The following ADAMTSL1 variants were observed in gnomAD, a reference collection of about 807,000 sequenced individuals.
ADAMTSL1 encodes the protein ADAMTS like 1, also known as ADAMTS-like protein 1.
ADAMTSL1 carries 126 observed loss-of-function variants against 201.8 expected under a neutral mutation model. The ratio of observed to expected loss-of-function variants is 0.62; its 90% confidence interval spans 0.54 to 0.72. ADAMTSL1 has a LOEUF of 0.72. Ranked by LOEUF, ADAMTSL1 falls within the 30% of genes least tolerant of loss-of-function variation. ADAMTSL1 has a pLI of 0.00. For missense variants in ADAMTSL1, 2,679 were observed against 2,277.8 expected (o/e 1.18, Z -3.59); for synonymous variants, 1,121 against 903.4 (o/e 1.24, Z -4.32).
intron 1 of ADAMTSL1, among the ~76,000 whole-genome samples, chr9:18,499,782 C>T (rs916570415): frequency 1.2e-4 from 19 of 152,242 alleles, no homozygotes; most frequent in African/African-American, 3.6e-4. Flanking sequence ...TTACTTCTGA[C>T]GATCTGTTGA....
chr9:18,203,535 C>T (rs1380327345), intron 2 of ADAMTSL1, among the ~76,000 whole-genome samples: 1 of 151,116 alleles, frequency 6.6e-6, no homozygotes, highest in East Asian at 1.9e-4. Flanking sequence ...GAAAGTTGAG[C>T]ACTGTGTGTC....
At chr9:18,189,769 G>A (rs918351172) in intron 2 of ADAMTSL1, among the ~76,000 whole-genome samples, 2 of 151,906 alleles carry the variant, frequency 1.3e-5, no homozygotes, top group African/African-American at 4.8e-5. Flanking sequence ...GGCAAGATAT[G>A]TTTTTTTAAA....
chr9:18,842,152 C>T (rs1017722963), intron 23 of ADAMTSL1, among the ~76,000 whole-genome samples: 7 of 151,794 alleles, frequency 4.6e-5, no homozygotes, highest in South Asian at 4.2e-4. Flanking sequence ...TTGGATCTTT[C>T]CTGCTTTCTC....
At chr9:18,351,184 G>A (rs990932710) in intron 2 of ADAMTSL1, among the ~76,000 whole-genome samples, 11 of 151,648 alleles carry the variant, frequency 7.3e-5, no homozygotes, top group African/African-American at 2.7e-4. Context: ...TACATCATCT[G>A]GCAGGGGAAG....
At chr9:18,317,995 G>A (rs1554658757) in intron 2 of ADAMTSL1, among the ~76,000 whole-genome samples, 1 of 152,192 alleles carries the variant, frequency 6.6e-6, no homozygotes, top group Non-Finnish European at 1.5e-5. Flanking sequence ...TAGCAGCCCA[G>A]AACACTGGAC....
chr9:18,698,163 G>A (rs1831676667), intron 13 of ADAMTSL1, among the ~76,000 whole-genome samples: 1 of 152,182 alleles, frequency 6.6e-6, no homozygotes, highest in South Asian at 2.1e-4. Context: ...AGAGAAGAAA[G>A]TTCTAGAATA....
chr9:18,236,444 G>A (rs185458000), intron 2 of ADAMTSL1, among the ~76,000 whole-genome samples: 42 of 152,222 alleles, frequency 2.8e-4, no homozygotes, highest in Middle Eastern at 3.4e-3. Context: ...TTCAGATTCC[G>A]GGACCCAGTT....
intron 2 of ADAMTSL1, among the ~76,000 whole-genome samples, chr9:18,391,816 T>TTTTC (rs1353184522): frequency 7.5e-6 from 1 of 134,172 alleles, no homozygotes. Context: ...TTTTTCTTTC[T>TTTTC]TTTCTTTCTT....
intron 4 of ADAMTSL1, among the ~76,000 whole-genome samples, chr9:18,594,355 A>T (rs1824119620): frequency 6.6e-6 from 1 of 151,998 alleles, no homozygotes; most frequent in Non-Finnish European, 1.5e-5. Context: ...CTGTATCTGG[A>T]TACTTATAAC....
intron 16 of ADAMTSL1, among the ~76,000 whole-genome samples, chr9:18,760,624 T>C (rs1184893295): frequency 3.9e-5 from 6 of 152,106 alleles, no homozygotes; most frequent in African/African-American, 1.4e-4. Context: ...ACCCCCTACT[T>C]TGAAACCCCT....
In ADAMTSL1 at chr9:18,417,219, A is replaced by T. The variant is rs546055263; in HGVS notation, c.208-87610A>T. ...GAAAATTATAACGTATTTTGAACTG[A>T]GATCCCACTAGAGCATTACTTGAGA... On this transcript the variant is annotated intron_variant, in intron 2 of 29. Transcript: ENST00000680146. Among the ~76,000 whole-genome samples, 82 of 152,106 alleles carry T rather than the reference A, an allele frequency of 5.4e-4. 1 individual carries two copies. In the South Asian group the frequency reaches 0.013, roughly 23 times the overall value.
intron 2 of ADAMTSL1, among the ~76,000 whole-genome samples, chr9:18,517,596 G>C (rs1307876720): frequency 8.4e-6 from 1 of 119,168 alleles, no homozygotes; most frequent in Non-Finnish European, 1.7e-5. Flanking sequence ...AGTCCCCAGC[G>C]TGTGATATTC....
At chr9:18,840,384 C>A (rs932098464) in intron 23 of ADAMTSL1, among the ~76,000 whole-genome samples, 1 of 152,090 alleles carries the variant, frequency 6.6e-6, no homozygotes, top group South Asian at 2.1e-4. Flanking sequence ...TGTTCTGTTC[C>A]ATTGATCTAT....
intron 2 of ADAMTSL1, among the ~76,000 whole-genome samples, chr9:18,319,960 T>C (rs899110417): frequency 6.6e-6 from 1 of 152,136 alleles, no homozygotes; most frequent in Non-Finnish European, 1.5e-5. Context: ...TGAAGTGTGA[T>C]AGGACTTGAA....
chr9:18,343,130 A>C (rs1336218214), intron 2 of ADAMTSL1, among the ~76,000 whole-genome samples: 1 of 151,848 alleles, frequency 6.6e-6, no homozygotes, highest in African/African-American at 2.4e-5. Flanking sequence ...GTTTTAGACC[A>C]ACCATGGCAA....
At chr9:17,982,821 T>G (rs1755879696) in intron 1 of ADAMTSL1, among the ~76,000 whole-genome samples, 2 of 152,016 alleles carry the variant, frequency 1.3e-5, no homozygotes, top group African/African-American at 4.8e-5. Context: ...ACCATCAGAA[T>G]AAGCAGTCTC....
At chr9:18,544,988 C>T (rs1008537430) in intron 3 of ADAMTSL1, among the ~76,000 whole-genome samples, 5 of 152,166 alleles carry the variant, frequency 3.3e-5, no homozygotes, top group Non-Finnish European at 5.9e-5. Flanking sequence ...CCTCTCCTGG[C>T]TAGCTCCACG....
chr9:18,126,188 A>G (rs1435023607), intron 1 of ADAMTSL1, among the ~76,000 whole-genome samples: 1 of 152,202 alleles, frequency 6.6e-6, no homozygotes, highest in Non-Finnish European at 1.5e-5. Flanking sequence ...TTTAACAATT[A>G]TCTTAAATAC....
At chr9:18,282,149 T>C (rs1016612991) in intron 2 of ADAMTSL1, among the ~76,000 whole-genome samples, 1 of 152,184 alleles carries the variant, frequency 6.6e-6, no homozygotes, top group Non-Finnish European at 1.5e-5. Flanking sequence ...CATCTCTATG[T>C]CCATGTGTAC....
Sources: gnomAD v4.1 joint callset for allele counts (sites outside exome capture counted in the v4.1 genomes callset) on GRCh38, gnomAD v4.1.1 for gene constraint, MANE v1.5 for transcripts, NCBI Gene and HGNC (gene_info 2026-07-23, HGNC 2026-07-21) for gene names.